Variants in SGMS1 observed in about 807,000 individuals in gnomAD.
SGMS1 encodes the protein phosphatidylcholine:ceramide cholinephosphotransferase 1.
A neutral mutation model predicts 46.2 loss-of-function variants in SGMS1; 13 were observed. The ratio of observed to expected loss-of-function variants is 0.28; its 90% CI spans 0.18 to 0.45. The LOEUF is 0.45. Among genes scored for constraint, SGMS1 ranks in the 20% least tolerant of loss-of-function variants. SGMS1 has a pLI of 1.00. For synonymous variants in SGMS1, 203 were observed against 187.8 expected (o/e 1.08, Z -0.66); for missense variants, 324 against 519.9 (o/e 0.62, Z 3.66).
intron 3 of SGMS1, among the ~76,000 whole-genome samples, chr10:50,516,036 T>C (rs979893662): frequency 9.9e-5 from 15 of 152,248 alleles, no homozygotes; most frequent in African/African-American, 3.6e-4. Context: ...AGACTGCAAA[T>C]TAGAGACATG....
At chr10:50,580,035 T>G (rs1457209694) in intron 2 of SGMS1, among the ~76,000 whole-genome samples, 1 of 152,156 alleles carries the variant, frequency 6.6e-6, no homozygotes, top group African/African-American at 2.4e-5. Flanking sequence ...GGTAAGTGCA[T>G]AGAAAAACTT....
At chr10:50,503,464 T>C (rs1156509460) in intron 3 of SGMS1, among the ~76,000 whole-genome samples, 1 of 152,146 alleles carries the variant, frequency 6.6e-6, no homozygotes, top group Non-Finnish European at 1.5e-5. Flanking sequence ...TCCTGGCTCA[T>C]CCAGGCTCTA....
intron 6 of SGMS1, among the ~76,000 whole-genome samples, chr10:50,368,157 C>T (rs1252680661): frequency 6.6e-6 from 1 of 152,174 alleles, no homozygotes; most frequent in Non-Finnish European, 1.5e-5. Context: ...TTTAGTGACT[C>T]TACAATTAGT....
In SGMS1 at chr10:50,440,338, C is replaced by T. The variant is rs141085031; in HGVS notation, c.-312-6782G>A. On this transcript the variant is annotated intron_variant, in intron 5 of 10. Transcript: ENST00000361781. ...TCACTCAACATTCTCCTTCCTAATC[C>T]TTTTCTCAGTACCAAGAATAAATAT... is the stretch of plus-strand genomic sequence containing the variant. Among the ~76,000 whole-genome samples, 726 of 151,220 alleles carry T rather than the reference C, an allele frequency of 4.8e-3. 4 individuals are homozygous for T. Among genetic ancestry groups the T allele is most frequent in the Non-Finnish European group, 6.7e-3 (456 of 67,806 alleles).
At chr10:50,575,908 T>C (rs11006185) in intron 2 of SGMS1, among the ~76,000 whole-genome samples, 19,749 of 152,098 alleles carry the variant, frequency 0.13, 1,683 homozygotes, top group Non-Finnish European at 0.19. Flanking sequence ...ACTGTTCATG[T>C]TAACACATGT....
chr10:50,552,130 G>C (rs369628459), intron 2 of SGMS1, among the ~76,000 whole-genome samples: 3 of 152,318 alleles, frequency 2.0e-5, no homozygotes, highest in East Asian at 3.9e-4. Flanking sequence ...CCAATCCTTG[G>C]TCTAGAGAAT....
intron 3 of SGMS1, among the ~76,000 whole-genome samples, chr10:50,518,155 T>C (rs1345221329): frequency 1.3e-5 from 2 of 152,166 alleles, no homozygotes; most frequent in African/African-American, 4.8e-5. Context: ...GAAAAGAACA[T>C]CTATGTACAG....
intron 3 of SGMS1, among the ~76,000 whole-genome samples, chr10:50,479,841 T>A (rs182722733): frequency 6.6e-6 from 1 of 152,150 alleles, no homozygotes; most frequent in Non-Finnish European, 1.5e-5. Flanking sequence ...TTCTCATAGA[T>A]AAAAGAGCAA....
intron 1 of SGMS1, among the ~76,000 whole-genome samples, chr10:50,601,449 G>A (rs1011878935): frequency 6.6e-6 from 1 of 152,194 alleles, no homozygotes; most frequent in East Asian, 1.9e-4. Context: ...AATTTCCATA[G>A]ACAAGAGGAC....
At chr10:50,464,196 C>T (rs1837302222) in intron 4 of SGMS1, among the ~76,000 whole-genome samples, 1 of 152,056 alleles carries the variant, frequency 6.6e-6, no homozygotes, top group Non-Finnish European at 1.5e-5. Context: ...TAAAAACAAA[C>T]AAGAGATTAT....
At chr10:50,551,191 C>T (rs141073591) in intron 2 of SGMS1, among the ~76,000 whole-genome samples, 19 of 151,978 alleles carry the variant, frequency 1.3e-4, no homozygotes, top group Non-Finnish European at 2.1e-4. Flanking sequence ...TCAATATCAA[C>T]GTGAGCAGTC....
intron 3 of SGMS1, among the ~76,000 whole-genome samples, chr10:50,518,573 C>T (rs1358578569): frequency 1.3e-5 from 2 of 152,138 alleles, no homozygotes; most frequent in African/African-American, 2.4e-5. Flanking sequence ...ATTACAGGCA[C>T]GTGCCACCAT....
At chr10:50,490,801 C>T (rs1471629142) in intron 3 of SGMS1, among the ~76,000 whole-genome samples, 1 of 152,106 alleles carries the variant, frequency 6.6e-6, no homozygotes, top group African/African-American at 2.4e-5. Context: ...CACATGTTAG[C>T]TATTATTAAT....
chr10:50,584,194 C>G (rs1838460513), intron 2 of SGMS1, among the ~76,000 whole-genome samples: 1 of 152,072 alleles, frequency 6.6e-6, no homozygotes. Flanking sequence ...GGCTATAGAT[C>G]ATTTCTTCCT....
At chr10:50,516,571 A>G (rs1837808328) in intron 3 of SGMS1, among the ~76,000 whole-genome samples, 1 of 152,234 alleles carries the variant, frequency 6.6e-6, no homozygotes, top group African/African-American at 2.4e-5. Flanking sequence ...AATATTCAAT[A>G]GATTAACTAC....
chr10:50,619,935 T>G (rs934527235), intron 1 of SGMS1, among the ~76,000 whole-genome samples: 1 of 149,156 alleles, frequency 6.7e-6, no homozygotes, highest in African/African-American at 2.6e-5. Context: ...TCTTTCTCTG[T>G]GTCTTTCTCT....
At chr10:50,624,989 C>A (rs954059167), upstream of SGMS1, 3 of 1,029,018 alleles carry the variant, frequency 2.9e-6, no homozygotes, top group South Asian at 2.8e-5. Flanking sequence ...CGCTCGGAAC[C>A]GACCTGGGAG....
chr10:50,506,973 A>G (rs1837712250), intron 3 of SGMS1, among the ~76,000 whole-genome samples: 1 of 152,230 alleles, frequency 6.6e-6, no homozygotes, highest in Admixed American at 6.5e-5. Context: ...CATGTCCATT[A>G]CAACCCATTG....
chr10:50,617,707 G>T (rs145282751), intron 1 of SGMS1, among the ~76,000 whole-genome samples: 2 of 149,074 alleles, frequency 1.3e-5, no homozygotes, highest in Non-Finnish European at 3.0e-5. Flanking sequence ...TCAGTCTCCC[G>T]AGTAGCTAGG....
Sources: allele counts gnomAD v4.1 joint callset (sites outside exome capture counted in the v4.1 genomes callset), GRCh38; gene constraint gnomAD v4.1.1; transcripts MANE v1.5; gene names NCBI Gene and HGNC (gene_info 2026-07-23, HGNC 2026-07-21).